Variants in CADM2 observed in about 807,000 individuals in gnomAD.
CADM2 encodes the protein cell adhesion molecule 2.
Under a neutral mutation model 49.8 loss-of-function variants are expected in CADM2, and 12 were observed. The observed-to-expected ratio is 0.24, with a 90% CI of 0.15 to 0.39. CADM2 has a LOEUF of 0.39. Among genes scored for constraint, CADM2 ranks in the 10% least tolerant of loss-of-function variants. The probability of loss-of-function intolerance (pLI) is 1.00; values close to 1 mark genes in which losing one functional copy is unlikely to be tolerated. For synonymous variants in CADM2, 214 were observed against 175.4 expected, an observed-to-expected ratio of 1.22 and a Z score of -1.74; for missense variants, 378 against 492.3, an observed-to-expected ratio of 0.77 and a Z score of 2.20.
At chr3:85,053,606 C>A (rs1226274603) in intron 1 of CADM2, among the ~76,000 whole-genome samples, 1 of 151,796 alleles carries the variant, frequency 6.6e-6, no homozygotes, top group Non-Finnish European at 1.5e-5. Flanking sequence ...GAAGAATGTT[C>A]TAGAAATTAA....
intron 1 of CADM2, among the ~76,000 whole-genome samples, chr3:85,107,576 C>G (rs2038281200): frequency 6.6e-6 from 1 of 150,652 alleles, no homozygotes; most frequent in South Asian, 2.1e-4. Flanking sequence ...CTCTTTCTCT[C>G]TTTCTTTCTT....
At chr3:85,165,341 C>A (rs1406767743) in intron 1 of CADM2, among the ~76,000 whole-genome samples, 1 of 151,812 alleles carries the variant, frequency 6.6e-6, no homozygotes, top group Admixed American at 6.6e-5. Flanking sequence ...ATTCACAAAT[C>A]TTTAAAGAGT....
At chr3:85,295,457 C>T (rs1384555345) in intron 1 of CADM2, among the ~76,000 whole-genome samples, 1 of 152,072 alleles carries the variant, frequency 6.6e-6, no homozygotes, top group African/African-American at 2.4e-5. Flanking sequence ...ACCCAAAGGA[C>T]TATAAATCAT....
intron 1 of CADM2, among the ~76,000 whole-genome samples, chr3:85,640,036 C>T (rs758091192): frequency 6.6e-6 from 1 of 152,278 alleles, no homozygotes; most frequent in Admixed American, 6.5e-5. Context: ...CTAAGGAGCA[C>T]CTACTGAGTG....
intron 2 of CADM2, among the ~76,000 whole-genome samples, chr3:85,791,593 G>T (rs1352740897): frequency 6.6e-6 from 1 of 151,284 alleles, no homozygotes; most frequent in Non-Finnish European, 1.5e-5. Context: ...GAGACAGAGA[G>T]AGAGAAAACA....
At chr3:85,388,415 G>A (rs896179088) in intron 1 of CADM2, among the ~76,000 whole-genome samples, 2 of 152,084 alleles carry the variant, frequency 1.3e-5, no homozygotes, top group African/African-American at 4.8e-5. Flanking sequence ...GGAAAGAAGC[G>A]GGTTACTAGT....
intron 1 of CADM2, among the ~76,000 whole-genome samples, chr3:85,528,179 C>G (rs2061214555): frequency 6.6e-6 from 1 of 152,082 alleles, no homozygotes; most frequent in African/African-American, 2.4e-5. Flanking sequence ...GGAACCTCTT[C>G]TGTCCCCTTC....
chr3:85,203,678 G>T (rs1339918072), intron 1 of CADM2, among the ~76,000 whole-genome samples: 1 of 152,208 alleles, frequency 6.6e-6, no homozygotes, highest in Non-Finnish European at 1.5e-5. Flanking sequence ...CCTTCAGTTT[G>T]TAAAAAGCCA....
intron 1 of CADM2, among the ~76,000 whole-genome samples, chr3:85,263,256 G>C (rs1337347950): frequency 6.6e-6 from 1 of 152,042 alleles, no homozygotes; most frequent in East Asian, 1.9e-4. Flanking sequence ...GCCTCCCAAA[G>C]TGCTAGAATT....
intron 1 of CADM2, among the ~76,000 whole-genome samples, chr3:85,424,306 A>T (rs1382195254): frequency 6.6e-6 from 1 of 151,630 alleles, no homozygotes; most frequent in Non-Finnish European, 1.5e-5. Context: ...AGATTTAAAA[A>T]ATTATATTTG....
At chr3:85,683,233 A>G (rs1391131753) in intron 1 of CADM2, among the ~76,000 whole-genome samples, 4 of 151,724 alleles carry the variant, frequency 2.6e-5, no homozygotes, top group Non-Finnish European at 5.9e-5. Flanking sequence ...AAAAAAAAGG[A>G]TGGAGGAGGA....
At chr3:85,141,702 G>C (rs1319185232) in intron 1 of CADM2, among the ~76,000 whole-genome samples, 1 of 152,154 alleles carries the variant, frequency 6.6e-6, no homozygotes, top group African/African-American at 2.4e-5. Context: ...AATGGAAATA[G>C]TATAAATTCC....
At chr3:85,589,691 T>C (rs961165115) in intron 1 of CADM2, among the ~76,000 whole-genome samples, 2 of 152,038 alleles carry the variant, frequency 1.3e-5, no homozygotes, top group Admixed American at 1.3e-4. Context: ...AAGAAGAAAT[T>C]TGTTTAATTA....
intron 3 of CADM2, among the ~76,000 whole-genome samples, chr3:85,852,978 G>GACA (rs879593145): frequency 7.2e-5 from 11 of 151,974 alleles, no homozygotes; most frequent in Non-Finnish European, 1.0e-4. Context: ...TAGATAAAAT[G>GACA]TATGTTTAAA....
At chr3:85,015,168 T>C (rs1207756435) in intron 1 of CADM2, among the ~76,000 whole-genome samples, 1 of 152,128 alleles carries the variant, frequency 6.6e-6, no homozygotes, top group Non-Finnish European at 1.5e-5. Context: ...TGTGTATATA[T>C]ATATAATAGA....
intron 2 of CADM2, among the ~76,000 whole-genome samples, chr3:85,765,414 T>C (rs2069606778): frequency 6.6e-6 from 1 of 152,092 alleles, no homozygotes; most frequent in African/African-American, 2.4e-5. Context: ...AAAATTTATT[T>C]TTAGTTATTA....
At chr3:85,346,620 T>C (rs1391075589) in intron 1 of CADM2, among the ~76,000 whole-genome samples, 2 of 152,208 alleles carry the variant, frequency 1.3e-5, no homozygotes, top group East Asian at 1.9e-4. Flanking sequence ...TACACATTGA[T>C]GTTTGTGATC....
intron 1 of CADM2, among the ~76,000 whole-genome samples, chr3:85,176,022 G>T (rs2040776706): frequency 1.4e-5 from 2 of 146,404 alleles, no homozygotes; most frequent in Admixed American, 1.4e-4. Context: ...TCCGCCTCCC[G>T]GGTTCACGCC....
intron 1 of CADM2, among the ~76,000 whole-genome samples, chr3:85,184,020 TTGAA>T (rs1349781153): frequency 6.6e-6 from 1 of 152,068 alleles, no homozygotes. Context: ...CATTAGGTGT[TTGAA>T]TGACAAGATG....
Sources: allele counts gnomAD v4.1 joint callset (sites outside exome capture counted in the v4.1 genomes callset), GRCh38; gene constraint gnomAD v4.1.1; transcripts MANE v1.5; gene names NCBI Gene and HGNC (gene_info 2026-07-23, HGNC 2026-07-21).